The following PPFIA2 variants were observed in gnomAD, a reference collection of about 807,000 sequenced individuals.
PPFIA2 encodes liprin-alpha-2.
Under a neutral mutation model 175.5 loss-of-function variants are expected in PPFIA2, and 46 were observed. The ratio of observed to expected loss-of-function variants is 0.26; its 90% CI spans 0.21 to 0.34. The LOEUF (loss-of-function observed/expected upper bound fraction) is 0.34. PPFIA2 is among the 10% of genes least tolerant of loss of function. The probability of loss-of-function intolerance (pLI) is 1.00; values close to 1 mark genes in which losing one functional copy is unlikely to be tolerated. For missense variants in PPFIA2, 1,179 were observed against 1,506.1 expected (o/e 0.78, Z 3.60); for synonymous variants, 568 against 511.4 (o/e 1.11, Z -1.49).
intron 8 of PPFIA2, 93 bp downstream of exon 8, chr12:81,405,694 T>TA (rs1566679423): frequency 9.8e-6 from 7 of 717,712 alleles, no homozygotes; most frequent in Admixed American, 3.3e-5. Context: ...CAACAAATAC[T>TA]AAAAAAATGT....
At chr12:81,474,797 C>T (rs2146434609) in intron 4 of PPFIA2, among the ~76,000 whole-genome samples, 1 of 152,208 alleles carries the variant, frequency 6.6e-6, no homozygotes, top group African/African-American at 2.4e-5. Context: ...GAAGGTTTAG[C>T]CTTCTTCTAA....
intron 22 of PPFIA2, among the ~76,000 whole-genome samples, chr12:81,316,571 T>A (rs1397386204): frequency 6.6e-6 from 1 of 151,580 alleles, no homozygotes; most frequent in Non-Finnish European, 1.5e-5. Context: ...TGGAACATTA[T>A]GTGTGGCTAA....
At position 81,610,359 on chromosome 12, in the gene PPFIA2, T is replaced by C. The variant is rs1351376597; in HGVS notation, c.303+66432A>G. On this transcript the variant is annotated intron_variant, in intron 4 of 32. Transcript: ENST00000549396. Reference sequence around the variant, plus strand: ...TTTTCCAAATTGTTTATTTTCTTTCTTTCTCTGTCAGGATGCCAATGAATC... The same window carrying C: ...TTTTCCAAATTGTTTATTTTCTTTCCTTCTCTGTCAGGATGCCAATGAATC... 1.4e-4 allele frequency among the ~76,000 whole-genome samples: 21 copies of C among 152,226 alleles called. 1 individual carries two copies. Among genetic ancestry groups the C allele is most frequent in the Admixed American group, 1.4e-3 (21 of 15,282 alleles).
intron 8 of PPFIA2, among the ~76,000 whole-genome samples, chr12:81,395,066 C>G (rs1356463512): frequency 6.6e-6 from 1 of 151,976 alleles, no homozygotes; most frequent in Non-Finnish European, 1.5e-5. Context: ...TCCTCCCAAT[C>G]TGTGTAATTA....
chr12:81,380,597 T>C (rs947976300), intron 9 of PPFIA2, among the ~76,000 whole-genome samples: 1 of 152,184 alleles, frequency 6.6e-6, no homozygotes, highest in African/African-American at 2.4e-5. Context: ...CTTCATTTTA[T>C]GATAGTTGCT....
At chr12:81,638,146 C>T (rs924971892) in intron 4 of PPFIA2, among the ~76,000 whole-genome samples, 10 of 152,106 alleles carry the variant, frequency 6.6e-5, no homozygotes, top group African/African-American at 2.4e-4. Context: ...TTTTCCCATT[C>T]CTCCCTAGTC....
At chr12:81,274,126 C>A (rs1015721803) in intron 28 of PPFIA2, among the ~76,000 whole-genome samples, 1 of 152,118 alleles carries the variant, frequency 6.6e-6, no homozygotes, top group African/African-American at 2.4e-5. Flanking sequence ...CTGATTCATT[C>A]TAACAACTGG....
intron 4 of PPFIA2, among the ~76,000 whole-genome samples, chr12:81,641,315 T>C (rs1330124185): frequency 2.0e-5 from 3 of 152,178 alleles, no homozygotes; most frequent in Admixed American, 6.5e-5. Flanking sequence ...CCAAATCTCA[T>C]TGATTATTAT....
intron 7 of PPFIA2, among the ~76,000 whole-genome samples, chr12:81,412,281 GA>G (rs1391761055): frequency 1.4e-5 from 2 of 141,128 alleles, no homozygotes; most frequent in Non-Finnish European, 3.1e-5. Context: ...AAAATACTGG[GA>G]AAAATGCAGA....
intron 18 of PPFIA2, among the ~76,000 whole-genome samples, chr12:81,346,214 A>T (rs1471873194): frequency 6.6e-6 from 1 of 152,110 alleles, no homozygotes; most frequent in African/African-American, 2.4e-5. Flanking sequence ...ATTTCAACAT[A>T]CTATATTTCT....
At chr12:81,612,276 C>T (rs1323221901) in intron 4 of PPFIA2, among the ~76,000 whole-genome samples, 4 of 152,110 alleles carry the variant, frequency 2.6e-5, no homozygotes, top group African/African-American at 9.7e-5. Flanking sequence ...CTCATTCTTT[C>T]ACTCACTCAC....
chr12:81,736,878 G>A (rs946849330), intron 3 of PPFIA2, among the ~76,000 whole-genome samples: 1 of 151,880 alleles, frequency 6.6e-6, no homozygotes. Context: ...CAGCAGCTGG[G>A]ACTACAGACA....
At chr12:81,395,681 G>C (rs982187891) in intron 8 of PPFIA2, among the ~76,000 whole-genome samples, 3 of 152,040 alleles carry the variant, frequency 2.0e-5, no homozygotes, top group African/African-American at 7.2e-5. Flanking sequence ...CAGAAATTGG[G>C]AGTCGTCATG....
chr12:81,365,371 C>G (rs530347801), intron 14 of PPFIA2, among the ~76,000 whole-genome samples: 3 of 151,772 alleles, frequency 2.0e-5, no homozygotes, highest in African/African-American at 7.2e-5. Flanking sequence ...GGGATTTACT[C>G]TCTCTGGAGA....
At chr12:81,343,509 A>G (rs894072099) in intron 19 of PPFIA2, among the ~76,000 whole-genome samples, 3 of 152,106 alleles carry the variant, frequency 2.0e-5, no homozygotes, top group Non-Finnish European at 2.9e-5. Context: ...TAAGAATAAT[A>G]TAGATTCCTT....
At chr12:81,372,619 T>A (rs1291801823) in intron 11 of PPFIA2, among the ~76,000 whole-genome samples, 1 of 144,880 alleles carries the variant, frequency 6.9e-6, no homozygotes. Flanking sequence ...GGAAAAGGAA[T>A]GAAAGAGTGA....
intron 3 of PPFIA2, among the ~76,000 whole-genome samples, chr12:81,722,273 C>T (rs1207911425): frequency 6.6e-6 from 1 of 150,982 alleles, no homozygotes; most frequent in Non-Finnish European, 1.5e-5. Flanking sequence ...CATACCTTGC[C>T]ATAATATTAG....
At position 81,534,242 on chromosome 12, in the gene PPFIA2, G is replaced by A. The variant is rs143021021; in HGVS notation, c.304-76376C>T. 5.5e-4 allele frequency among the ~76,000 whole-genome samples: 83 copies of A among 151,578 alleles called. 1 individual carries two copies. The highest frequency in any genetic ancestry group is 1.9e-3 in the African/African-American group (79 of 41,430). On this transcript the variant is annotated intron_variant, in intron 4 of 32. Coordinates refer to ENST00000549396, the MANE Select transcript of PPFIA2 (RefSeq NM_003625.5). ...ACATAGAGGTAGATAGAAGGAATAA[G>A]TTCTAAAAGTCCATAGCAGAGTGGG...
At chr12:81,300,665 C>T (rs2047597109) in intron 22 of PPFIA2, among the ~76,000 whole-genome samples, 1 of 152,136 alleles carries the variant, frequency 6.6e-6, no homozygotes, top group Non-Finnish European at 1.5e-5. Context: ...AAGGGAACAG[C>T]GATACTCGTG....
Sources: allele counts gnomAD v4.1 joint callset (sites outside exome capture counted in the v4.1 genomes callset), GRCh38; gene constraint gnomAD v4.1.1; transcripts MANE v1.5; gene names NCBI Gene and HGNC (gene_info 2026-07-23, HGNC 2026-07-21).